ZNF644: variants seen among roughly 807,000 people sequenced by gnomAD.
ZNF644 encodes zinc finger protein 644.
Under a neutral mutation model 108.0 loss-of-function variants are expected in ZNF644, and 20 were observed. That is an observed-to-expected ratio of 0.19 (90% CI 0.13 to 0.27). ZNF644 has a LOEUF of 0.27. Among genes scored for constraint, ZNF644 ranks in the 10% least tolerant of loss-of-function variants. The pLI is 1.00. For synonymous variants in ZNF644, 542 were observed against 539.1 expected (o/e 1.01, Z -0.08); for missense variants, 1,338 against 1,548.9 (o/e 0.86, Z 2.29).
rs41286763 is a variant in ZNF644, at chr1:90,940,142, G to A, written c.1212C>T (p.Thr404=). 0.015 allele frequency: 24,377 copies of A among 1,613,806 alleles called. 249 individuals carry two copies. The highest frequency in any genetic ancestry group is 0.036 in the Middle Eastern group (218 of 6,062). Residue 404 remains threonine, a synonymous_variant, in exon 3 of 6, where the codon ACC becomes ACT. Transcript: ENST00000337393. ...SDSESPATFS[T]EEPSFYPCTK... ...TACAGGGGTAGAATGATGGCTCTTCGGTACTGAAAGTAGCAGGTGACTCAG... is the reference window on the plus strand; with the variant it reads ...TACAGGGGTAGAATGATGGCTCTTCAGTACTGAAAGTAGCAGGTGACTCAG...
At chr1:91,010,141 G>A (rs1659814559) in intron 1 of ZNF644, among the ~76,000 whole-genome samples, 1 of 151,500 alleles carries the variant, frequency 6.6e-6, no homozygotes, top group South Asian at 2.1e-4. Context: ...GATCCCTCCA[G>A]CTCATGCCAC....
rs1424384465 is a variant in ZNF644, at chr1:90,916,964, G to C, written c.3818C>G (p.Pro1273Arg). The C allele has an allele frequency of 4.3e-6, 7 of 1,614,062 alleles. No individual in the cohort carries two copies. The highest frequency in any genetic ancestry group is 5.1e-6 in the Non-Finnish European group (6 of 1,180,012). Residue 1273 changes from proline to arginine, a missense_variant, in exon 6 of 6, where the codon CCC becomes CGC. Coordinates refer to ENST00000337393, the MANE Select transcript of ZNF644 (RefSeq NM_201269.3). Reference protein sequence around the residue: ...CRFCGLVFRGPLSVQEDWIKH... With the variant: ...CRFCGLVFRGRLSVQEDWIKH... The stretch of plus-strand genomic sequence containing the variant: ...AATCCAGTCTTCCTGAACAGACAAG[G>C]GTCCTCGAAAGACTAGGCCACAAAA...
rs1265416666 is a variant in ZNF644, at chr1:90,976,349, G to T, written c.44+5961C>A. 3.3e-5 allele frequency among the ~76,000 whole-genome samples: 5 copies of T among 152,240 alleles called. No homozygotes were observed. The East Asian group carries it at 9.7e-4, about 29-fold the overall frequency. ...ACTATAACTAGTTGCATGGTACTGG[G>T]AATTCTAATGACTAATGCATCCCTA... On this transcript the variant is annotated intron_variant, in intron 2 of 5. Coordinates refer to ENST00000337393, the MANE Select transcript of ZNF644 (RefSeq NM_201269.3).
At chr1:91,010,205 C>T (rs528752593) in intron 1 of ZNF644, among the ~76,000 whole-genome samples, 9 of 150,534 alleles carry the variant, frequency 6.0e-5, no homozygotes, top group African/African-American at 1.7e-4. Context: ...CCAAGGAAAA[C>T]GCTTGCATTC....
intron 1 of ZNF644, among the ~76,000 whole-genome samples, chr1:90,987,962 G>A (rs149637700): frequency 1.2e-4 from 18 of 152,232 alleles, no homozygotes; most frequent in African/African-American, 2.4e-4. Context: ...ACACTCAACC[G>A]TGAAAGACTG....
intron 2 of ZNF644, among the ~76,000 whole-genome samples, chr1:90,964,579 T>C (rs1461220831): frequency 3.3e-5 from 5 of 152,270 alleles, no homozygotes; most frequent in Admixed American, 2.6e-4. Context: ...ATTTAATCAT[T>C]TACCTAGAAC....
chr1:90,976,627 T>C (rs991757018), intron 2 of ZNF644, among the ~76,000 whole-genome samples: 2 of 152,298 alleles, frequency 1.3e-5, no homozygotes, highest in African/African-American at 2.4e-5. Flanking sequence ...AAGACAAGCA[T>C]GGCTGAAACT....
intron 4 of ZNF644, among the ~76,000 whole-genome samples, chr1:90,922,259 C>A (rs190963700): frequency 6.6e-6 from 1 of 152,130 alleles, no homozygotes; most frequent in Non-Finnish European, 1.5e-5. Context: ...TTGTTTAATC[C>A]ATTTCTTTTC....
In ZNF644 at chr1:90,940,614, C is replaced by T. The variant is rs2100964663; in HGVS notation, c.740G>A (p.Gly247Asp). 1 of 1,613,878 alleles carries T rather than the reference C, an allele frequency of 6.2e-7. No individual in the cohort carries two copies. Among genetic ancestry groups the T allele is most frequent in the Non-Finnish European group, 8.5e-7 (1 of 1,179,964 alleles). The change falls in exon 3 of 6, where the codon GGT (glycine) becomes GAT (aspartate). Residue 247 changes from glycine to aspartate, a missense_variant. This residue lies in a region of ZNF644 where 464 missense variants were observed against 457.9 expected (regional missense o/e 1.01). Coordinates refer to ENST00000337393, the MANE Select transcript of ZNF644 (RefSeq NM_201269.3). The part of the protein sequence containing the change: ...CVNTVTGISS[G>D]TDGFRSENDT... The stretch of plus-strand genomic sequence containing the variant: ...ATTTTCTGACCTAAATCCATCTGTA[C>T]CTGAGGAAATTCCCGTTACTGTATT...
intron 2 of ZNF644, among the ~76,000 whole-genome samples, chr1:90,944,274 GCATCCTCATT>G (rs1652301389): frequency 6.6e-6 from 1 of 152,158 alleles, no homozygotes; most frequent in African/African-American, 2.4e-5. Flanking sequence ...CTTGGAGACT[GCATCCTCATT>G]ACCGGAATGG....
At chr1:90,980,294 G>A (rs1321913687) in intron 2 of ZNF644, among the ~76,000 whole-genome samples, 2 of 152,248 alleles carry the variant, frequency 1.3e-5, no homozygotes, top group Admixed American at 6.5e-5. Flanking sequence ...CTAGCAAAGA[G>A]GTCTCTGGCA....
chr1:90,937,856 A>G lies in ZNF644; in HGVS notation c.3317T>C (p.Phe1106Ser), dbSNP rs373763219. Reference protein sequence around the residue: ...LNSRRIIPRPFVAQKLASSDD... With the variant: ...LNSRRIIPRPSVAQKLASSDD... Reference sequence around the variant, plus strand: ...ACTTGATGCAAGTTTTTGAGCTACAAATGGTCTGGGAATAATACGACGACT... The same window carrying G: ...ACTTGATGCAAGTTTTTGAGCTACAGATGGTCTGGGAATAATACGACGACT... Residue 1106 changes from phenylalanine (F) to serine (S), a missense_variant, in exon 4 of 6, where the codon TTT (phenylalanine) becomes TCT (serine). This residue lies in a region of ZNF644 where 287 missense variants were observed against 310.9 expected (regional missense o/e 0.92). Transcript: ENST00000337393. 3.7e-6 allele frequency: 6 copies of G among 1,613,862 alleles called. No individual in the cohort carries two copies. The highest frequency in any genetic ancestry group is 5.1e-6 in the Non-Finnish European group (6 of 1,179,866).
intron 1 of ZNF644, among the ~76,000 whole-genome samples, chr1:90,992,585 C>T (rs1489462196): frequency 6.6e-6 from 1 of 152,058 alleles, no homozygotes; most frequent in Non-Finnish European, 1.5e-5. Context: ...TGTACCTGCC[C>T]CAATTTCTAT....
rs147800687 is a variant in ZNF644, at chr1:90,939,551, T to A, written c.1803A>T (p.Leu601Phe). 174 of 1,613,932 alleles carry A rather than the reference T, an allele frequency of 1.1e-4. No homozygotes were observed. The highest frequency in any genetic ancestry group is 1.4e-4 in the Non-Finnish European group (162 of 1,179,934). Reference protein sequence around the residue: ...CPFTTSAKSVLKKHTEYLHSS... With the variant: ...CPFTTSAKSVFKKHTEYLHSS... The stretch of plus-strand genomic sequence containing the variant: ...AATGCAAGTACTCCGTGTGCTTTTT[T>A]AAAACACTTTTGGCTGAAGTAGTAA... The change falls in exon 3 of 6, where the codon TTA becomes TTT. Residue 601 changes from leucine to phenylalanine, a missense_variant. Transcript: ENST00000337393.
intron 2 of ZNF644, among the ~76,000 whole-genome samples, chr1:90,943,643 T>C (rs1652237234): frequency 6.6e-6 from 1 of 152,198 alleles, no homozygotes; most frequent in Non-Finnish European, 1.5e-5. Context: ...AATTCTGTTT[T>C]GAGATTGGCA....
At chr1:90,919,821 C>A (rs565406304) in intron 4 of ZNF644, among the ~76,000 whole-genome samples, 4 of 152,046 alleles carry the variant, frequency 2.6e-5, no homozygotes, top group African/African-American at 9.6e-5. Context: ...ATTTAGACAG[C>A]CTATGAATGA....
intron 2 of ZNF644, among the ~76,000 whole-genome samples, chr1:90,976,575 G>A (rs1309400045): frequency 6.6e-6 from 1 of 152,078 alleles, no homozygotes; most frequent in Admixed American, 6.6e-5. Context: ...GCCTTTGTTA[G>A]GTTTAAAAAC....
chr1:90,919,616 T>C (rs919183520), intron 4 of ZNF644, among the ~76,000 whole-genome samples: 2 of 152,070 alleles, frequency 1.3e-5, no homozygotes, highest in African/African-American at 4.8e-5. Flanking sequence ...AAGAGTCTAA[T>C]AAGTAAAGAA....
chr1:90,942,423 AT>A (rs1652090526), intron 2 of ZNF644, among the ~76,000 whole-genome samples: 1 of 152,166 alleles, frequency 6.6e-6, no homozygotes, highest in Admixed American at 6.5e-5. Flanking sequence ...GCTCTTAGAA[AT>A]GGCCACATTG....
Sources: gnomAD v4.1 joint callset for allele counts (sites outside exome capture counted in the v4.1 genomes callset) on GRCh38, gnomAD v4.1.1 for gene constraint, gnomAD v4.1.1 regional missense constraint, MANE v1.5 for transcripts, NCBI Gene and HGNC (gene_info 2026-07-23, HGNC 2026-07-21) for gene names.